The following PRIM2 variants were observed in gnomAD, a reference collection of about 807,000 sequenced individuals.
PRIM2 encodes DNA primase subunit 2, also known as DNA primase large subunit.
In PRIM2, 39 loss-of-function variants were observed where a neutral mutation model predicts 67.3. The ratio of observed to expected loss-of-function variants is 0.58; its 90% CI spans 0.45 to 0.76. The LOEUF is 0.76. Ranked by LOEUF, PRIM2 falls within the 30% of genes least tolerant of loss-of-function variation. PRIM2 has a pLI of 0.00. For synonymous variants in PRIM2, 143 were observed against 198.7 expected, an observed-to-expected ratio of 0.72 and a Z score of 2.36; for missense variants, 398 against 598.7, an observed-to-expected ratio of 0.66 and a Z score of 3.50.
intron 10 of PRIM2, among the ~76,000 whole-genome samples, chr6:57,569,743 C>T (rs1423632222): frequency 6.6e-6 from 1 of 151,552 alleles, no homozygotes; most frequent in Non-Finnish European, 1.5e-5. Context: ...CAGTTCTTAC[C>T]CTTTTCTTTT....
chr6:57,511,177 CAAAT>C (rs1333048774), intron 8 of PRIM2, among the ~76,000 whole-genome samples: 1 of 151,946 alleles, frequency 6.6e-6, no homozygotes, highest in Admixed American at 6.6e-5. Flanking sequence ...CACTGCCAAT[CAAAT>C]AATCTAGAAT....
intron 7 of PRIM2, among the ~76,000 whole-genome samples, chr6:57,481,520 G>C (rs1160184148): frequency 1.3e-5 from 2 of 151,266 alleles, no homozygotes; most frequent in Non-Finnish European, 2.9e-5. Context: ...CTCGTTTTTG[G>C]CTATTACAAA....
At chr6:57,639,402 TG>T (rs1777184961) in intron 13 of PRIM2, among the ~76,000 whole-genome samples, 1 of 151,514 alleles carries the variant, frequency 6.6e-6, no homozygotes, top group Non-Finnish European at 1.5e-5. Context: ...AACTAAGATC[TG>T]GGCAGAACTG....
chr6:57,360,182 T>A (rs991248052), intron 5 of PRIM2, among the ~76,000 whole-genome samples: 1 of 152,232 alleles, frequency 6.6e-6, no homozygotes, highest in African/African-American at 2.4e-5. Flanking sequence ...TGAATACCAA[T>A]ATGTTCAGAG....
chr6:57,374,667 T>C (rs1331178588), intron 5 of PRIM2, among the ~76,000 whole-genome samples: 1 of 152,116 alleles, frequency 6.6e-6, no homozygotes, highest in Non-Finnish European at 1.5e-5. Flanking sequence ...CTCAGCTCAC[T>C]ACAACCTCCA....
the PRIM2 span, among the ~76,000 whole-genome samples, chr6:57,281,781 T>A: frequency 6.6e-6 from 1 of 152,180 alleles, no homozygotes; most frequent in Non-Finnish European, 1.5e-5. Flanking sequence ...TAATTCCAGA[T>A]GAATTCTCAC....
chr6:57,505,779 T>C (rs1421878119), intron 7 of PRIM2, among the ~76,000 whole-genome samples: 1 of 152,190 alleles, frequency 6.6e-6, no homozygotes, highest in East Asian at 1.9e-4. Flanking sequence ...AACAGATGTC[T>C]AGAATATTTT....
intron 10 of PRIM2, among the ~76,000 whole-genome samples, chr6:57,550,127 G>A (rs1385432870): frequency 2.0e-5 from 3 of 151,986 alleles, no homozygotes; most frequent in African/African-American, 7.3e-5. Flanking sequence ...TGCAAAAATA[G>A]TCTAATCTTT....
Position 57,646,113 on chromosome 6 carries a change from A to G in PRIM2, c.1485A>G (p.Glu495=). Residue 495 remains glutamate, a synonymous_variant, in exon 14 of 14, where the codon GAA becomes GAG. Transcript: ENST00000615550. ...TGGCCTCTTTAAATTCCTCTCTGGA[A>G]ATGGATATGGAAGGACTAGAAGATT... ...SALASLNSSL[E]MDMEGLEDYF... 1 of 1,597,898 alleles carries G rather than the reference A, an allele frequency of 6.3e-7. No homozygotes were observed. Among genetic ancestry groups the G allele is most frequent in the Non-Finnish European group, 8.6e-7 (1 of 1,165,272 alleles).
intron 10 of PRIM2, among the ~76,000 whole-genome samples, chr6:57,560,771 T>C (rs1197630188): frequency 6.6e-6 from 1 of 152,158 alleles, no homozygotes; most frequent in Non-Finnish European, 1.5e-5. Context: ...ATCTGAGCAC[T>C]AAGTCTCAAT....
At chr6:57,326,125 G>T (rs1562694404) in intron 5 of PRIM2, 80 bp downstream of exon 5, 1 of 1,492,520 alleles carries the variant, frequency 6.7e-7, no homozygotes, top group Non-Finnish European at 9.1e-7. Flanking sequence ...GTACTAATGT[G>T]TAGTGTGTTC....
chr6:57,394,887 G>A (rs1770470815), intron 7 of PRIM2, among the ~76,000 whole-genome samples: 1 of 152,100 alleles, frequency 6.6e-6, no homozygotes, highest in Non-Finnish European at 1.5e-5. Context: ...GCTGAATTTT[G>A]TGGAATGCCT....
At chr6:57,518,249 A>G (rs1327728641) in intron 8 of PRIM2, among the ~76,000 whole-genome samples, 7 of 152,212 alleles carry the variant, frequency 4.6e-5, no homozygotes, top group Admixed American at 3.9e-4. Context: ...AAATGTGTAC[A>G]GTGGTGGAAA....
chr6:57,223,044 C>T, the PRIM2 span, among the ~76,000 whole-genome samples: 1 of 151,998 alleles, frequency 6.6e-6, no homozygotes, highest in Non-Finnish European at 1.5e-5. Context: ...TGAGAATAAC[C>T]CAAAAGACCA....
chr6:57,231,048 T>C, the PRIM2 span, among the ~76,000 whole-genome samples: 2 of 152,232 alleles, frequency 1.3e-5, no homozygotes, highest in African/African-American at 4.8e-5. Context: ...GGTGAGGACA[T>C]TTGAAATGTG....
At chr6:57,425,094 A>G (rs1771578165) in intron 7 of PRIM2, among the ~76,000 whole-genome samples, 1 of 152,172 alleles carries the variant, frequency 6.6e-6, no homozygotes, top group Non-Finnish European at 1.5e-5. Context: ...TGACTTTTCA[A>G]GTTTTTCTCA....
chr6:57,230,883 C>T, the PRIM2 span, among the ~76,000 whole-genome samples: 1 of 152,308 alleles, frequency 6.6e-6, no homozygotes, highest in African/African-American at 2.4e-5. Context: ...CATGTCTCCA[C>T]CACTGAGAAG....
chr6:57,543,569 A>G (rs1435679111), intron 10 of PRIM2, among the ~76,000 whole-genome samples: 2 of 152,218 alleles, frequency 1.3e-5, no homozygotes, highest in African/African-American at 4.8e-5. Flanking sequence ...AGAGACTGGT[A>G]TAATATCTCC....
intron 7 of PRIM2, among the ~76,000 whole-genome samples, chr6:57,480,815 G>C (rs1773605559): frequency 1.3e-5 from 2 of 152,122 alleles, no homozygotes; most frequent in African/African-American, 2.4e-5. Flanking sequence ...TTTTAGTATA[G>C]ACAGGGTTTC....
Sources: gnomAD v4.1 joint callset for allele counts (sites outside exome capture counted in the v4.1 genomes callset) on GRCh38, gnomAD v4.1.1 for gene constraint, MANE v1.5 for transcripts, NCBI Gene and HGNC (gene_info 2026-07-23, HGNC 2026-07-21) for gene names.